ABCC3: variants seen among roughly 807,000 people sequenced by gnomAD.
ABCC3 encodes ATP-binding cassette sub-family C member 3.
ABCC3 carries 121 observed loss-of-function variants against 165.3 expected under a neutral mutation model. The observed-to-expected ratio is 0.73, with a 90% CI of 0.63 to 0.85. The LOEUF (loss-of-function observed/expected upper bound fraction) is 0.85, where lower values mean the gene tolerates loss of function less well. Ranked by LOEUF, ABCC3 falls within the 40% of genes least tolerant of loss-of-function variation. The pLI is 0.00. For missense variants in ABCC3, 1,869 were observed against 1,964.1 expected, an observed-to-expected ratio of 0.95 and a Z score of 0.92; for synonymous variants, 733 against 810.1, an observed-to-expected ratio of 0.90 and a Z score of 1.62.
chr17:50,689,302 A>G (rs1453443231), intron 30 of ABCC3, among the ~76,000 whole-genome samples: 1 of 152,296 alleles, frequency 6.6e-6, no homozygotes, highest in Non-Finnish European at 1.5e-5. Context: ...GGATGAGGGG[A>G]GGGGCCATGC....
At chr17:50,637,381 C>CA (rs1461658699) in intron 1 of ABCC3, among the ~76,000 whole-genome samples, 35 of 152,220 alleles carry the variant, frequency 2.3e-4, no homozygotes, top group Admixed American at 9.1e-4. Context: ...AGCCTAATTA[C>CA]AAAAAAGGCC....
intron 10 of ABCC3, 21 bp from the exon 11 acceptor site, chr17:50,665,132 T>C: frequency 6.2e-7 from 1 of 1,609,968 alleles, no homozygotes; most frequent in South Asian, 1.1e-5. Context: ...ATGTGTCATC[T>C]ATCCACCGGT....
At chr17:50,637,994 A>G (rs2054195083) in intron 1 of ABCC3, among the ~76,000 whole-genome samples, 1 of 152,216 alleles carries the variant, frequency 6.6e-6, no homozygotes, top group Admixed American at 6.5e-5. Flanking sequence ...GTGTACTCAC[A>G]CACCACCTGC....
intron 17 of ABCC3, among the ~76,000 whole-genome samples, chr17:50,671,667 C>T (rs1036873457): frequency 2.0e-5 from 3 of 147,380 alleles, no homozygotes; most frequent in East Asian, 2.0e-4. Flanking sequence ...GCAAGGGGAC[C>T]GAGCATGCTA....
chr17:50,690,087 G>T (rs1418670161), intron 30 of ABCC3, among the ~76,000 whole-genome samples: 1 of 152,212 alleles, frequency 6.6e-6, no homozygotes, highest in African/African-American at 2.4e-5. Context: ...GTAAGAGTTG[G>T]AGGATGGAGG....
rs1967814913 is a variant in ABCC3 at position 50,676,528 on chromosome 17, C to T, written c.3318C>T (p.Ala1106=). Residue 1106 remains alanine (A), a synonymous_variant, in exon 23 of 31, where the codon GCC becomes GCT. Coordinates refer to ENST00000285238, the MANE Select transcript of ABCC3 (RefSeq NM_003786.4). The part of the protein sequence containing the change: ...NAISTLVVIM[A]STPLFTVVIL... ...TCTCCACTCTTGTGGTCATCATGGC[C>T]AGCACGCCGCTCTTCACTGTGGTCA... is the stretch of plus-strand genomic sequence containing the variant. The T allele has an allele frequency of 6.2e-7, 1 of 1,614,114 alleles. No homozygotes were observed. The highest frequency in any genetic ancestry group is 1.3e-5 in the African/African-American group (1 of 75,012).
chr17:50,676,699 T>C, intron 23 of ABCC3, 111 bp downstream of exon 23: 1 of 1,053,864 alleles, frequency 9.5e-7, no homozygotes, highest in South Asian at 1.6e-5. Context: ...TACAGAGTTT[T>C]GTTAGGGGCA....
intron 29 of ABCC3, among the ~76,000 whole-genome samples, chr17:50,685,700 C>T (rs1968010303): frequency 6.6e-6 from 1 of 151,864 alleles, no homozygotes; most frequent in Non-Finnish European, 1.5e-5. Context: ...GTGCTAATAG[C>T]CACATGGGGC....
At chr17:50,664,309 C>G (rs1967471772) in intron 10 of ABCC3, 198 bp downstream of exon 10, 4 of 639,634 alleles carry the variant, frequency 6.3e-6, no homozygotes, top group African/African-American at 1.8e-5. Context: ...CCACCACACT[C>G]CAGCCTGGGC....
intron 28 of ABCC3, 79 bp downstream of exon 28, chr17:50,684,186 G>A: frequency 6.5e-7 from 1 of 1,532,968 alleles, no homozygotes; most frequent in Non-Finnish European, 8.7e-7. Context: ...GCTTTAGGAT[G>A]GAGACTGGGA....
At chr17:50,678,355 A>G in intron 25 of ABCC3, 136 bp downstream of exon 25, 2 of 817,084 alleles carry the variant, frequency 2.4e-6, no homozygotes, top group Non-Finnish European at 3.3e-6. Context: ...GACTGTGAGA[A>G]AAAAAAAAAA....
chr17:50,681,844 T>C (rs1967934566), intron 26 of ABCC3, among the ~76,000 whole-genome samples: 1 of 152,030 alleles, frequency 6.6e-6, no homozygotes, highest in Admixed American at 6.6e-5. Context: ...GTGGCCTGCA[T>C]TGCACCCGCC....
Position 50,669,345 on chromosome 17 carries a change from T to G in ABCC3, c.2065-7T>G, listed in dbSNP as rs781443540. 1 of 1,614,176 alleles carries G rather than the reference T, an allele frequency of 6.2e-7. No individual in the cohort carries two copies. Among genetic ancestry groups the G allele is most frequent in the Non-Finnish European group, 8.5e-7 (1 of 1,180,014 alleles). ...CAAGCCCCGAGGTAAATTTCTCCTG[T>G]GGCCAGGGCTCCGTGGCCTATGTGC... On this transcript the variant is annotated splice_region_variant and splice_polypyrimidine_tract_variant and intron_variant, in intron 16 of 30. Transcript: ENST00000285238.
At chr17:50,639,080 G>A (rs1040244396) in intron 1 of ABCC3, among the ~76,000 whole-genome samples, 3 of 152,200 alleles carry the variant, frequency 2.0e-5, no homozygotes, top group African/African-American at 7.2e-5. Flanking sequence ...ACTCACAAAT[G>A]AAGACAGTGT....
At chr17:50,668,646 ACCT>A in intron 14 of ABCC3, 129 bp downstream of exon 14, 1 of 812,494 alleles carries the variant, frequency 1.2e-6, no homozygotes, top group Non-Finnish European at 2.0e-6. Context: ...TTCGACTCTG[ACCT>A]CCTCCCTCTT....
rs1342548916 is a variant in ABCC3 at position 50,672,983 on chromosome 17, T to C, written c.2254T>C (p.Ser752Pro). 1.2e-6 allele frequency: 2 copies of C among 1,613,894 alleles called. No homozygotes were observed. The highest frequency in any genetic ancestry group is 1.7e-6 in the Non-Finnish European group (2 of 1,180,004). Residue 752 changes from serine to proline, a missense_variant, in exon 18 of 31, where the codon TCT becomes CCT. Ser to Pro is a moderately conservative substitution (Grantham distance 74, BLOSUM62 -1). Transcript: ENST00000285238. Reference protein sequence around the residue: ...TEIGEKGINLSGGQRQRVSLA... With the variant: ...TEIGEKGINLPGGQRQRVSLA... ...CGCCTCCCTCCAGGGCATTAACCTG[T>C]CTGGGGGCCAGCGGCAGCGGGTCAG...
intron 19 of ABCC3, among the ~76,000 whole-genome samples, chr17:50,673,977 T>TTTCTTTCTTTCCTTCC (rs1967724415): frequency 7.0e-5 from 1 of 14,210 alleles, no homozygotes; most frequent in Non-Finnish European, 1.3e-4. Flanking sequence ...TCTTTCTTTC[T>TTTCTTTCTTTCCTTCC]TTCTCTCTCT....
chr17:50,643,195 G>A (rs921672346), intron 1 of ABCC3, among the ~76,000 whole-genome samples: 10 of 152,170 alleles, frequency 6.6e-5, no homozygotes, highest in South Asian at 2.1e-4. Context: ...TGTACACTCC[G>A]GCCCAGAGAC....
chr17:50,662,830 G>T (rs968642350), intron 8 of ABCC3, among the ~76,000 whole-genome samples: 1 of 152,062 alleles, frequency 6.6e-6, no homozygotes, highest in African/African-American at 2.4e-5. Context: ...CTATGATTAT[G>T]GCTGGAGGGC....
Sources: allele counts gnomAD v4.1 joint callset (sites outside exome capture counted in the v4.1 genomes callset), GRCh38; gene constraint gnomAD v4.1.1; transcripts MANE v1.5; gene names NCBI Gene and HGNC (gene_info 2026-07-23, HGNC 2026-07-21).